The following RPL3 variants were observed in gnomAD, a reference collection of about 807,000 sequenced individuals.
The protein encoded by RPL3 is large ribosomal subunit protein uL3.
RPL3 carries 3 observed loss-of-function variants against 46.0 expected under a neutral mutation model. The observed-to-expected ratio is 0.07, with a 90% CI of 0.03 to 0.17. The LOEUF is 0.17. RPL3 is among the 10% of genes least tolerant of loss of function. The probability of loss-of-function intolerance (pLI) is 1.00; values close to 1 mark genes in which losing one functional copy is unlikely to be tolerated. For missense variants in RPL3, 387 were observed against 532.7 expected (o/e 0.73, Z 2.69); for synonymous variants, 224 against 190.8 (o/e 1.17, Z -1.43).
At chr22:39,316,677 G>A (rs543870858) in intron 4 of RPL3, 29 bp downstream of exon 4, 5 of 1,611,866 alleles carry the variant, frequency 3.1e-6, no homozygotes, top group East Asian at 4.5e-5. Context: ...TAAGTGGCAG[G>A]CCAAGCCACC....
Position 39,318,597 on chromosome 22 carries a change from G to T in RPL3, c.4-5C>A, listed in dbSNP as rs753253370. The T allele has an allele frequency of 6.2e-7, 1 of 1,602,866 alleles. No individual in the cohort carries two copies. The highest frequency in any genetic ancestry group is 1.1e-5 in the South Asian group (1 of 89,992). On this transcript the variant is annotated splice_polypyrimidine_tract_variant and splice_region_variant and intron_variant, in intron 1 of 9. Transcript: ENST00000216146. ...AGCGGAGAACTTTCTGTGAGACTAG[G>T]TGGGAAAAAAATCACCGTCAGCACC...
chr22:39,313,842 A>G (rs769028725), intron 7 of RPL3, 113 bp from the exon 8 acceptor site: 12 of 1,028,820 alleles, frequency 1.2e-5, no homozygotes, highest in Admixed American at 8.4e-5. Flanking sequence ...GGAAGGCAAC[A>G]AGGAACGGTT....
chr22:39,318,969 A>C, intron 1 of RPL3: 1 of 534,380 alleles, frequency 1.9e-6, no homozygotes, highest in Non-Finnish European at 3.8e-6. Context: ...GGTAGCAGCT[A>C]GCAATGTTAA....
chr22:39,315,286 CTG>C (rs746012791), intron 5 of RPL3, 81 bp downstream of exon 5: 12 of 1,573,784 alleles, frequency 7.6e-6, no homozygotes, highest in Non-Finnish European at 1.0e-5. Context: ...AGCGCTCACT[CTG>C]AGCCTCATCA....
chr22:39,317,713 T>A, intron 2 of RPL3, 84 bp from the exon 3 acceptor site: 1 of 1,538,100 alleles, frequency 6.5e-7, no homozygotes. Context: ...AAGTGCCCAT[T>A]TAGGCCGGAA....
At position 39,313,435 on chromosome 22, in the gene RPL3, T is replaced by G. The variant is rs758897404; in HGVS notation, c.1048-125A>C. 4.7e-5 allele frequency: 69 copies of G among 1,472,528 alleles called. No homozygotes were observed. The Admixed American group carries it at 5.8e-4, about 12-fold the overall frequency. 91.2% of individuals were successfully genotyped at this position (1,472,528 alleles called of 1,614,324 possible). On this transcript the variant is annotated intron_variant, in intron 8 of 9. Transcript: ENST00000216146. Reference sequence around the variant, plus strand: ...TCAGCCTCCCCCACCATCCGGCAGATGAGGACACACTCAAAGCAGCAAACA... The same window carrying G: ...TCAGCCTCCCCCACCATCCGGCAGAGGAGGACACACTCAAAGCAGCAAACA...
exon 1 of RPL3, chr22:39,319,622 AGGCCGGTCG>A (rs1569163236): frequency 6.5e-7 from 1 of 1,548,796 alleles, no homozygotes; most frequent in Admixed American, 1.9e-5. Flanking sequence ...CCGCCGGTAG[AGGCCGGTCG>A]GCCTTACGGG....
Position 39,318,513 on chromosome 22 carries a change from T to A in RPL3, c.83A>T (p.Lys28Met). 6.2e-7 allele frequency: 1 copy of A among 1,613,966 alleles called. No individual in the cohort carries two copies. Among genetic ancestry groups the A allele is most frequent in the Non-Finnish European group, 8.5e-7 (1 of 1,179,900 alleles). The change falls in exon 2 of 10, where the codon AAG becomes ATG. Residue 28 changes from lysine (K) to methionine (M), a missense_variant. By Grantham distance (95) the Lys-to-Met change is moderately conservative. Around this residue, in one of 5 missense-constraint regions of RPL3, gnomAD observed 196 missense variants for 217.5 expected, o/e 0.90. Coordinates refer to ENST00000216146, the MANE Select transcript of RPL3 (RefSeq NM_000967.4). Reference protein sequence around the residue: ...PRKRSSRHRGKVKSFPKDDPS... With the variant: ...PRKRSSRHRGMVKSFPKDDPS... ...GTCATCCTTAGGGAAGCTCTTCACC[T>A]TCCCACGATGCCTGCTGCTGCGCTT...
At chr22:39,313,475 G>A in intron 8 of RPL3, 159 bp downstream of exon 8, 2 of 1,294,918 alleles carry the variant, frequency 1.5e-6, no homozygotes, top group Non-Finnish European at 2.2e-6. Flanking sequence ...AGCAAGGCCA[G>A]ACTGGGAATT....
chr22:39,318,397 T>C lies in RPL3; in HGVS notation c.196+3A>G. On this transcript the variant is annotated splice_donor_region_variant and intron_variant, in intron 2 of 9. Transcript: ENST00000216146. ...CCCCAACTTTTAGGATGTCTGTACA[T>C]ACTGGATCCCGGCCTGTCGACTTCC... The C allele has an allele frequency of 6.2e-7, 1 of 1,613,560 alleles. No homozygotes were observed. Among genetic ancestry groups the C allele is most frequent in the Non-Finnish European group, 8.5e-7 (1 of 1,179,678 alleles).
intron 1 of RPL3, 30 bp from the exon 2 acceptor site, chr22:39,318,622 C>T (rs1284183904): frequency 3.2e-6 from 5 of 1,570,106 alleles, no homozygotes; most frequent in East Asian, 2.3e-5. Context: ...CCGTCAGCAC[C>T]CAAACCAAAG....
chr22:39,313,906 A>G, intron 7 of RPL3, 177 bp from the exon 8 acceptor site: 1 of 841,556 alleles, frequency 1.2e-6, no homozygotes, highest in Non-Finnish European at 2.1e-6. Context: ...CTCATCACTG[A>G]ACAGCTGAGC....
Position 39,313,212 on chromosome 22 carries a change from C to T in RPL3, c.1146G>A (p.Met382Ile), listed in dbSNP as rs758836953. The T allele has an allele frequency of 5.0e-6, 8 of 1,609,098 alleles. No individual in the cohort carries two copies. Among genetic ancestry groups the T allele is most frequent in the Non-Finnish European group, 6.8e-6 (8 of 1,177,814 alleles). ...TCACCATGAATGCTTTCTTCTCCTC[C>T]ATGGTCTGGAAGCGGCCATGGCCAA... ...SKFGHGRFQT[M>I]EEKKAFMGPL... The change falls in exon 9 of 10, where the codon ATG becomes ATA. Residue 382 changes from methionine (M) to isoleucine (I), a missense_variant. Physicochemically the swap from Met to Ile is conservative, Grantham distance 10. This residue lies in a region of RPL3 where 131 missense variants were observed against 185.1 expected (regional missense o/e 0.71). Coordinates refer to ENST00000216146, the MANE Select transcript of RPL3 (RefSeq NM_000967.4).
chr22:39,313,461 G>T, intron 8 of RPL3, 151 bp from the exon 9 acceptor site: 2 of 1,331,650 alleles, frequency 1.5e-6, no homozygotes. Flanking sequence ...GCAGCAAACA[G>T]CCCAGCAAGG....
intron 8 of RPL3, 54 bp downstream of exon 8, chr22:39,313,580 C>G: frequency 1.7e-5 from 26 of 1,557,488 alleles, no homozygotes; most frequent in Non-Finnish European, 2.2e-5. Flanking sequence ...CGTCTGTGGC[C>G]TTGGATCCTC....
At chr22:39,314,979 A>G in intron 5 of RPL3, 133 bp from the exon 6 acceptor site, 1 of 1,283,714 alleles carries the variant, frequency 7.8e-7, no homozygotes, top group Non-Finnish European at 1.1e-6. Flanking sequence ...CATTACCCAC[A>G]GGTCTCCCCT....
intron 6 of RPL3, 91 bp from the exon 7 acceptor site, chr22:39,314,299 C>G (rs1922544779): frequency 9.2e-7 from 1 of 1,087,156 alleles, no homozygotes; most frequent in African/African-American, 1.6e-5. Context: ...CGCTAGAAGG[C>G]AGCTGAGGCC....
At chr22:39,314,942 G>A (rs1490187245) in intron 5 of RPL3, 96 bp from the exon 6 acceptor site, 2 of 1,508,830 alleles carry the variant, frequency 1.3e-6, no homozygotes, top group Non-Finnish European at 1.8e-6. Context: ...TGGGTCATCT[G>A]AGGGAGTGAT....
intron 9 of RPL3, 23 bp downstream of exon 9, chr22:39,313,167 AG>A: frequency 1.9e-6 from 3 of 1,605,856 alleles, no homozygotes; most frequent in Non-Finnish European, 1.7e-6. Flanking sequence ...ACACCCAGCG[AG>A]GGGGGCAGGC....
Sources: allele counts gnomAD v4.1 joint callset, GRCh38; gene constraint gnomAD v4.1.1; regional missense constraint gnomAD v4.1.1; transcripts MANE v1.5; gene names NCBI Gene and HGNC (gene_info 2026-07-23, HGNC 2026-07-21).